Variants in PNPLA8 observed in about 807,000 individuals in gnomAD.
PNPLA8 encodes calcium-independent phospholipase A2-gamma.
PNPLA8 carries 39 observed loss-of-function variants against 76.9 expected under a neutral mutation model. The ratio of observed to expected loss-of-function variants is 0.51; its 90% CI spans 0.39 to 0.66. PNPLA8 has a LOEUF of 0.66. Among genes scored for constraint, PNPLA8 ranks in the 30% least tolerant of loss-of-function variants. The pLI is 0.00. For synonymous variants in PNPLA8, 301 were observed against 307.9 expected (o/e 0.98, Z 0.24); for missense variants, 887 against 918.0 (o/e 0.97, Z 0.44).
intron 7 of PNPLA8, among the ~76,000 whole-genome samples, chr7:108,495,065 T>C (rs1187486868): frequency 2.0e-5 from 3 of 152,168 alleles, no homozygotes; most frequent in African/African-American, 7.2e-5. Flanking sequence ...TGTTTGGTGT[T>C]CACAAATATT....
At chr7:108,521,595 G>C (rs1029715504) in intron 1 of PNPLA8, 74 bp from the exon 2 acceptor site, 1 of 196,034 alleles carries the variant, frequency 5.1e-6, no homozygotes, top group Non-Finnish European at 9.2e-6. Flanking sequence ...TTAAAATAAA[G>C]CGGGAGGAGG....
rs553765270 is a variant in PNPLA8 at position 108,520,698 on chromosome 7, C to T, written c.-84+778G>A. 1.3e-4 allele frequency among the ~76,000 whole-genome samples: 19 copies of T among 151,832 alleles called. No individual in the cohort carries two copies. In the South Asian group the frequency reaches 4.0e-3, roughly 32 times the overall value. On this transcript the variant is annotated intron_variant, in intron 2 of 10. Transcript: ENST00000257694. Reference sequence around the variant, plus strand: ...GCATGTATCAAAATATCACATCTACCCTATAAATATATACAAATATTATAT... The same window carrying T: ...GCATGTATCAAAATATCACATCTACTCTATAAATATATACAAATATTATAT...
intron 2 of PNPLA8, among the ~76,000 whole-genome samples, chr7:108,516,602 A>G (rs1270224350): frequency 2.0e-5 from 3 of 152,202 alleles, no homozygotes; most frequent in African/African-American, 7.2e-5. Context: ...GGTAGACTTC[A>G]TTAATATTAA....
chr7:108,480,211 TAAAC>T (rs1377119397), intron 9 of PNPLA8, among the ~76,000 whole-genome samples: 4 of 151,844 alleles, frequency 2.6e-5, no homozygotes, highest in Non-Finnish European at 5.9e-5. Context: ...TACAAAAAAA[TAAAC>T]AAAATTAGCC....
At chr7:108,472,702 A>G in intron 10 of PNPLA8, 27 bp from the exon 11 acceptor site, 1 of 1,515,550 alleles carries the variant, frequency 6.6e-7, no homozygotes, top group East Asian at 2.3e-5. Context: ...GAAAAGGATA[A>G]GGGGATAAGA....
upstream of PNPLA8, chr7:108,528,086 T>C (rs940170968): frequency 1.3e-5 from 2 of 152,210 alleles, no homozygotes; most frequent in Non-Finnish European, 2.9e-5. Flanking sequence ...CTGATGAGTT[T>C]TACCGCAGAA....
chr7:108,473,340 C>T (rs116521066), intron 10 of PNPLA8, among the ~76,000 whole-genome samples: 2,692 of 152,278 alleles, frequency 0.018, 90 homozygotes, highest in African/African-American at 0.061. Flanking sequence ...TGGCTCTCTT[C>T]AGTTTTTAGC....
chr7:108,478,093 A>C (rs759840169), intron 10 of PNPLA8, among the ~76,000 whole-genome samples: 1 of 152,232 alleles, frequency 6.6e-6, no homozygotes, highest in African/African-American at 2.4e-5. Flanking sequence ...GAAAAAGAGA[A>C]AAAGAAGCAG....
chr7:108,516,286 G>C (rs1413940637), intron 2 of PNPLA8, among the ~76,000 whole-genome samples: 1 of 152,158 alleles, frequency 6.6e-6, no homozygotes, highest in Non-Finnish European at 1.5e-5. Context: ...CAATGGAACA[G>C]AATAGAGAGT....
Position 108,502,637 on chromosome 7 carries a change from T to G in PNPLA8, c.1212A>C (p.Arg404Ser). 1 of 1,604,226 alleles carries G rather than the reference T, an allele frequency of 6.2e-7. No homozygotes were observed. The highest frequency in any genetic ancestry group is 8.5e-7 in the Non-Finnish European group (1 of 1,172,856). ...PEGKGVAVKERIIPYLLRLRQ... is the reference protein window; with the variant it reads ...PEGKGVAVKESIIPYLLRLRQ... ...TCAGTCGTAATAAATATGGAATAAT[T>G]CTTTCCTATATTGAGAGAAAAGATA... The change falls in exon 5 of 11, where the codon AGA becomes AGC. Residue 404 changes from arginine to serine, a missense_variant. Coordinates refer to ENST00000257694, the MANE Select transcript of PNPLA8 (RefSeq NM_001256007.3).
chr7:108,479,058 C>A, intron 10 of PNPLA8, 126 bp downstream of exon 10: 1 of 640,822 alleles, frequency 1.6e-6, no homozygotes, highest in Non-Finnish European at 2.8e-6. Flanking sequence ...TGTTTCCTCC[C>A]ATGTACTTCC....
chr7:108,510,882 G>A (rs1374811059), intron 4 of PNPLA8: 6 of 1,592,934 alleles, frequency 3.8e-6, no homozygotes, highest in Non-Finnish European at 5.1e-6. Context: ...TCTCCACGAG[G>A]TGGAATGAAG....
chr7:108,484,800 G>A (rs1390286889), intron 9 of PNPLA8, among the ~76,000 whole-genome samples: 1 of 152,076 alleles, frequency 6.6e-6, no homozygotes, highest in East Asian at 1.9e-4. Flanking sequence ...TTGAGGGCAG[G>A]ATCCAGGAAG....
chr7:108,515,030 G>C lies in PNPLA8; in HGVS notation c.462C>G (p.Ile154Met). The C allele has an allele frequency of 6.2e-7, 1 of 1,607,430 alleles. No individual in the cohort carries two copies. Among genetic ancestry groups the C allele is most frequent in the Non-Finnish European group, 8.5e-7 (1 of 1,179,794 alleles). ...TGTCACTATATTTTTTCAGAGATTT[G>C]ATGGCTTGTTTGATGTTTTTCTGTT... ...WLKQKNIKQA[I>M]KSLKKYSDKS... The change falls in exon 3 of 11, where the codon ATC becomes ATG. Residue 154 changes from isoleucine (I) to methionine (M), a missense_variant. Physicochemically the swap from Ile to Met is conservative, Grantham distance 10. Coordinates refer to ENST00000257694, the MANE Select transcript of PNPLA8 (RefSeq NM_001256007.3).
chr7:108,482,257 G>GC (rs1860448309), intron 9 of PNPLA8, among the ~76,000 whole-genome samples: 1 of 152,134 alleles, frequency 6.6e-6, no homozygotes, highest in Non-Finnish European at 1.5e-5. Flanking sequence ...GATTGCCTGA[G>GC]CCCAGGAGTT....
At chr7:108,485,934 T>C (rs1055494200) in intron 9 of PNPLA8, among the ~76,000 whole-genome samples, 3 of 152,084 alleles carry the variant, frequency 2.0e-5, no homozygotes, top group African/African-American at 7.2e-5. Context: ...TAAAAATTTA[T>C]GTAAATTATA....
chr7:108,503,495 T>G (rs185054552), intron 4 of PNPLA8, among the ~76,000 whole-genome samples: 220 of 152,304 alleles, frequency 1.4e-3, no homozygotes, highest in African/African-American at 5.1e-3. Flanking sequence ...GAGGCCCCAC[T>G]AGAGGAACTT....
chr7:108,472,715 AG>A, intron 10 of PNPLA8, 40 bp from the exon 11 acceptor site: 1 of 1,435,692 alleles, frequency 7.0e-7, no homozygotes, highest in East Asian at 2.4e-5. Context: ...GGATAAGAAA[AG>A]AGGGGATAAA....
chr7:108,521,138 G>C (rs1459680361), intron 2 of PNPLA8, among the ~76,000 whole-genome samples: 1 of 151,110 alleles, frequency 6.6e-6, no homozygotes, highest in African/African-American at 2.4e-5. Flanking sequence ...AGCAAATATA[G>C]CCAGAAAAAA....
Sources: allele counts gnomAD v4.1 joint callset (sites outside exome capture counted in the v4.1 genomes callset), GRCh38; gene constraint gnomAD v4.1.1; transcripts MANE v1.5; gene names NCBI Gene and HGNC (gene_info 2026-07-23, HGNC 2026-07-21).